TMEM132C: variants seen among roughly 807,000 people sequenced by gnomAD.
TMEM132C encodes transmembrane protein 132C.
TMEM132C carries 29 observed loss-of-function variants against 61.4 expected under a neutral mutation model. The observed-to-expected ratio is 0.47, with a 90% confidence interval of 0.35 to 0.64. The LOEUF (loss-of-function observed/expected upper bound fraction) is 0.64. TMEM132C is among the 30% of genes least tolerant of loss of function. The pLI, the probability that TMEM132C is intolerant of heterozygous loss-of-function variation, is 0.00. For synonymous variants in TMEM132C, 656 were observed against 633.1 expected, an observed-to-expected ratio of 1.04 and a Z score of -0.54; for missense variants, 1,408 against 1,476.9, an observed-to-expected ratio of 0.95 and a Z score of 0.76.
chr12:128,562,938 C>A (rs1874574554), intron 3 of TMEM132C, among the ~76,000 whole-genome samples: 1 of 152,234 alleles, frequency 6.6e-6, no homozygotes, highest in Non-Finnish European at 1.5e-5. Context: ...TTGCTACAGT[C>A]AGTGCAATCC....
chr12:128,463,652 G>A (rs757213753), intron 2 of TMEM132C, among the ~76,000 whole-genome samples: 1 of 151,832 alleles, frequency 6.6e-6, no homozygotes, highest in African/African-American at 2.4e-5. Context: ...GCATGTCCCT[G>A]GAAGGGCCTG....
At chr12:128,459,714 G>A (rs945771213) in intron 2 of TMEM132C, among the ~76,000 whole-genome samples, 2 of 151,840 alleles carry the variant, frequency 1.3e-5, no homozygotes, top group Non-Finnish European at 2.9e-5. Flanking sequence ...GTGAAACCCT[G>A]TCTCTACTAA....
At chr12:128,638,080 C>A (rs1229819743) in intron 4 of TMEM132C, among the ~76,000 whole-genome samples, 4 of 152,212 alleles carry the variant, frequency 2.6e-5, no homozygotes, top group Non-Finnish European at 4.4e-5. Context: ...GTGTGTTTGT[C>A]TTCACTTCTG....
At chr12:128,324,630 C>T (rs1050641105) in intron 1 of TMEM132C, among the ~76,000 whole-genome samples, 9 of 152,058 alleles carry the variant, frequency 5.9e-5, no homozygotes, top group Non-Finnish European at 1.2e-4. Context: ...GAGGCCGAGG[C>T]GGGACGATCA....
At chr12:128,554,321 G>A (rs1428234911) in intron 3 of TMEM132C, among the ~76,000 whole-genome samples, 1 of 152,196 alleles carries the variant, frequency 6.6e-6, no homozygotes, top group Non-Finnish European at 1.5e-5. Flanking sequence ...GAGGCGGGGA[G>A]GGTGGCCGGC....
intron 1 of TMEM132C, among the ~76,000 whole-genome samples, chr12:128,274,156 C>T (rs1870608041): frequency 6.6e-6 from 1 of 152,152 alleles, no homozygotes; most frequent in Admixed American, 6.6e-5. Context: ...TCCAGTTATT[C>T]TCCCAGAGAG....
At chr12:128,595,835 GC>G (rs1459859729) in intron 3 of TMEM132C, among the ~76,000 whole-genome samples, 1 of 152,234 alleles carries the variant, frequency 6.6e-6, no homozygotes. Context: ...AGAGGAATCA[GC>G]CGCTTCAGCT....
intron 4 of TMEM132C, among the ~76,000 whole-genome samples, chr12:128,643,732 C>T (rs969601462): frequency 2.0e-5 from 3 of 152,178 alleles, no homozygotes; most frequent in Non-Finnish European, 2.9e-5. Context: ...CTACGTCAAG[C>T]TGCTTCCAAC....
At chr12:128,644,095 C>T (rs1298132134) in intron 4 of TMEM132C, among the ~76,000 whole-genome samples, 2 of 152,124 alleles carry the variant, frequency 1.3e-5, no homozygotes, top group East Asian at 1.9e-4. Context: ...AAACAGTGGC[C>T]AATACCAAGT....
chr12:128,496,779 T>C (rs1456065984), intron 2 of TMEM132C, among the ~76,000 whole-genome samples: 2 of 152,192 alleles, frequency 1.3e-5, no homozygotes, highest in Non-Finnish European at 2.9e-5. Flanking sequence ...GGGTTCGAAC[T>C]TCTTCCTTTA....
chr12:128,425,714 CGAT>C (rs1247235516), intron 2 of TMEM132C, among the ~76,000 whole-genome samples: 1 of 152,178 alleles, frequency 6.6e-6, no homozygotes, highest in East Asian at 1.9e-4. Context: ...CAGCTGTCCT[CGAT>C]GGTCCTTGGC....
In TMEM132C at chr12:128,703,177, C is replaced by A. The variant is rs147788499; in HGVS notation, c.2122-1913C>A. ...ACTTTTATTTTCACTTCAGGGGTAC[C>A]TGTGCAGGTTTGTCATGTAGCTACA... On this transcript the variant is annotated intron_variant, in intron 8 of 8. Coordinates refer to ENST00000435159, the MANE Select transcript of TMEM132C (RefSeq NM_001136103.3). Among the ~76,000 whole-genome samples, 973 of 152,160 alleles carry A rather than the reference C, an allele frequency of 6.4e-3. 8 individuals carry two copies. Among genetic ancestry groups the A allele is most frequent in the African/African-American group, 0.022 (918 of 41,508 alleles).
chr12:128,605,856 C>G (rs1876405420), intron 3 of TMEM132C, among the ~76,000 whole-genome samples: 2 of 152,340 alleles, frequency 1.3e-5, no homozygotes, highest in East Asian at 1.9e-4. Flanking sequence ...GTTCCTTGAT[C>G]TTTTCAGGTC....
chr12:128,509,375 G>A (rs1872498312), intron 2 of TMEM132C, among the ~76,000 whole-genome samples: 1 of 152,164 alleles, frequency 6.6e-6, no homozygotes, highest in Non-Finnish European at 1.5e-5. Context: ...TTCTTTGGAG[G>A]CTTTGGTTAG....
intron 4 of TMEM132C, among the ~76,000 whole-genome samples, chr12:128,639,364 A>G (rs1028146100): frequency 1.9e-4 from 29 of 151,906 alleles, no homozygotes; most frequent in Admixed American, 1.3e-4. Context: ...GAAGATGATG[A>G]TGGTGATAAT....
At chr12:128,289,415 C>CT (rs1432288056) in intron 1 of TMEM132C, among the ~76,000 whole-genome samples, 13 of 152,340 alleles carry the variant, frequency 8.5e-5, no homozygotes, top group Non-Finnish European at 1.5e-4. Context: ...GGGCACAGTC[C>CT]TGTTAGTACA....
chr12:128,515,226 A>G (rs747820931), intron 2 of TMEM132C, among the ~76,000 whole-genome samples: 11 of 152,162 alleles, frequency 7.2e-5, no homozygotes, highest in East Asian at 1.9e-4. Flanking sequence ...GGGACTTCTG[A>G]TAGATGCATA....
chr12:128,438,624 A>G (rs997892788), intron 2 of TMEM132C, among the ~76,000 whole-genome samples: 5 of 152,256 alleles, frequency 3.3e-5, no homozygotes, highest in Non-Finnish European at 5.9e-5. Context: ...TTCTCATAAC[A>G]TAAATTAACT....
chr12:128,459,596 T>C (rs1216179689), intron 2 of TMEM132C, among the ~76,000 whole-genome samples: 1 of 151,928 alleles, frequency 6.6e-6, no homozygotes, highest in Non-Finnish European at 1.5e-5. Flanking sequence ...GGGAAGGTAA[T>C]GAATGCTCTC....
Sources: allele counts gnomAD v4.1 joint callset (sites outside exome capture counted in the v4.1 genomes callset), GRCh38; gene constraint gnomAD v4.1.1; transcripts MANE v1.5; gene names NCBI Gene and HGNC (gene_info 2026-07-23, HGNC 2026-07-21).